The following ATP11A variants were observed in gnomAD, a reference collection of about 807,000 sequenced individuals.
The protein encoded by ATP11A is phospholipid-transporting ATPase IH.
Under a neutral mutation model 154.4 loss-of-function variants are expected in ATP11A, and 81 were observed. That is an observed-to-expected ratio of 0.52 (90% CI 0.44 to 0.63). ATP11A has a LOEUF of 0.63. Among genes scored for constraint, ATP11A ranks in the 30% least tolerant of loss-of-function variants. The pLI is 0.00. For synonymous variants in ATP11A, 623 were observed against 585.9 expected (o/e 1.06, Z -0.91); for missense variants, 1,316 against 1,474.3 (o/e 0.89, Z 1.76).
At chr13:112,783,623 T>C (rs2077552398) in intron 1 of ATP11A, among the ~76,000 whole-genome samples, 1 of 152,212 alleles carries the variant, frequency 6.6e-6, no homozygotes, top group African/African-American at 2.4e-5. Flanking sequence ...TCTTCAGCTG[T>C]GTTTCTCATG....
At chr13:112,846,469 C>T (rs1260865041) in intron 17 of ATP11A, among the ~76,000 whole-genome samples, 4 of 152,194 alleles carry the variant, frequency 2.6e-5, no homozygotes, top group Non-Finnish European at 5.9e-5. Context: ...ATTCCGCCAG[C>T]GTGGTTTTGT....
chr13:112,879,830 T>A (rs541484030), intron 29 of ATP11A, among the ~76,000 whole-genome samples: 2 of 152,370 alleles, frequency 1.3e-5, no homozygotes, highest in Admixed American at 1.3e-4. Flanking sequence ...TTTTAACCTG[T>A]TCCTACGGAA....
chr13:112,861,085 T>C (rs994276443), intron 24 of ATP11A, among the ~76,000 whole-genome samples: 1 of 152,180 alleles, frequency 6.6e-6, no homozygotes, highest in African/African-American at 2.4e-5. Context: ...ACGTCTTACA[T>C]GGTGGCAGAC....
intron 17 of ATP11A, 34 bp from the exon 18 acceptor site, chr13:112,851,003 G>T: frequency 6.3e-7 from 1 of 1,595,168 alleles, no homozygotes; most frequent in South Asian, 1.1e-5. Flanking sequence ...GTGACACCTT[G>T]AATTCGTGCT....
intron 1 of ATP11A, among the ~76,000 whole-genome samples, chr13:112,742,068 T>C (rs1343224315): frequency 2.0e-5 from 3 of 152,080 alleles, no homozygotes; most frequent in Non-Finnish European, 4.4e-5. Flanking sequence ...CACAGTGCGC[T>C]TTTCTCACGT....
intron 1 of ATP11A, among the ~76,000 whole-genome samples, chr13:112,748,937 C>T (rs908634456): frequency 9.9e-5 from 15 of 152,212 alleles, no homozygotes; most frequent in African/African-American, 3.1e-4. Flanking sequence ...CCGCCCTTTG[C>T]GGCTATGTGC....
intron 1 of ATP11A, among the ~76,000 whole-genome samples, chr13:112,721,957 C>T (rs1272684229): frequency 6.6e-6 from 1 of 152,180 alleles, no homozygotes; most frequent in African/African-American, 2.4e-5. Context: ...GGCACACTGC[C>T]CACCATGGGA....
rs766879340 is a variant in ATP11A at position 112,851,139 on chromosome 13, C to T, written c.1912C>T (p.Arg638Ter). 1.9e-6 allele frequency: 3 copies of T among 1,614,124 alleles called. No individual in the cohort carries two copies. Among genetic ancestry groups the T allele is most frequent in the Non-Finnish European group, 2.5e-6 (3 of 1,180,008 alleles). ...GGCTGCCAAAGTGGCCCTTCAAGAT[C>T]GAGAGAAAAAGTTAGCAGAAGCCTA... is the stretch of plus-strand genomic sequence containing the variant. Reference protein sequence around the residue: ...LQAAKVALQDREKKLAEAYEQ... With the variant: ...LQAAKVALQD Residue 638 changes from arginine to a stop codon, truncating the protein, a stop_gained, in exon 18 of 30, where the codon CGA (arginine) becomes TGA (stop). Coordinates refer to ENST00000375645, the MANE Select transcript of ATP11A (RefSeq NM_015205.3). LOFTEE classifies it high-confidence loss of function.
At chr13:112,863,787 C>T (rs1192947278) in intron 25 of ATP11A, among the ~76,000 whole-genome samples, 2 of 83,020 alleles carry the variant, frequency 2.4e-5, no homozygotes, top group African/African-American at 8.9e-5. Flanking sequence ...TCACCACCTG[C>T]ACAGTAATTC....
At chr13:112,861,262 G>A (rs1235898594) in intron 24 of ATP11A, among the ~76,000 whole-genome samples, 2 of 152,146 alleles carry the variant, frequency 1.3e-5, no homozygotes, top group Non-Finnish European at 2.9e-5. Flanking sequence ...AATTCAAGAC[G>A]AGATTTGGGT....
chr13:112,728,667 G>A (rs75088476), intron 1 of ATP11A, among the ~76,000 whole-genome samples: 6,308 of 151,356 alleles, frequency 0.042, 400 homozygotes, highest in African/African-American at 0.15. Context: ...GTATCCACGC[G>A]TGGAGGGGCC....
Position 112,826,775 on chromosome 13 carries a change from G to T in ATP11A, c.1105G>T (p.Glu369Ter). The T allele has an allele frequency of 6.2e-7, 1 of 1,614,160 alleles. No homozygotes were observed. Among genetic ancestry groups the T allele is most frequent in the South Asian group, 1.1e-5 (1 of 91,084 alleles). The change falls in exon 12 of 30, where the codon GAG becomes TAG. Residue 369 changes from glutamate to a stop codon, truncating the protein, a stop_gained. Transcript: ENST00000375645. LOFTEE classifies it high-confidence loss of function. Reference sequence around the variant, plus strand: ...CCCTGTGTCCATGTACGTCACGGTCGAGATGCAGAAGTTCCTCGGCTCTTA... The same window carrying T: ...CCCTGTGTCCATGTACGTCACGGTCTAGATGCAGAAGTTCCTCGGCTCTTA... ...IIPVSMYVTV[E>*]MQKFLGSYFI...
intron 1 of ATP11A, among the ~76,000 whole-genome samples, chr13:112,731,278 GTCTT>G (rs1284252567): frequency 1.3e-5 from 2 of 152,096 alleles, no homozygotes; most frequent in Non-Finnish European, 2.9e-5. Flanking sequence ...CTCCTATACA[GTCTT>G]TCTTAGATAA....
chr13:112,690,321 C>A lies in ATP11A; in HGVS notation c.-96C>A. ...CGGCGCGCCGAGGCCGTGACCGGAG[C>A]GGGGGGCGCGGCCGCACTAGTACCC... is the stretch of plus-strand genomic sequence containing the variant. On this transcript the variant is annotated 5_prime_UTR_variant, in exon 1 of 30. Transcript: ENST00000375645. This position sits in a 1 kb window ranked among gnomAD's most constrained non-coding sequence, Gnocchi z 5.6. The A allele has an allele frequency of 1.0e-6, 1 of 976,270 alleles. No individual in the cohort carries two copies. The allele number at this position is 976,270 out of a possible 1,614,324, so 60.5% of individuals were successfully genotyped here. A position where few individuals can be genotyped will look rare whatever the true frequency, so the allele number is the denominator to read the frequency against.
intron 1 of ATP11A, among the ~76,000 whole-genome samples, chr13:112,768,361 C>T (rs373637497): frequency 5.9e-5 from 9 of 152,238 alleles, no homozygotes; most frequent in South Asian, 2.1e-4. Context: ...CTCCAGCGGA[C>T]GCTGCACCAT....
In ATP11A at chr13:112,886,255, T is replaced by C. The variant is rs886177427; in HGVS notation, c.*4389T>C. On this transcript the variant is annotated 3_prime_UTR_variant, in exon 30 of 30. Transcript: ENST00000375645. ...TCGGCTTGCTGAGCGTTTAAACAAA[T>C]GTTTAGACAGGCTGTGGGGACTCCC... 4.7e-5 allele frequency: 7 copies of C among 149,588 alleles called. No homozygotes were observed. The highest frequency in any genetic ancestry group is 1.4e-4 in the Admixed American group (2 of 14,684). The allele number at this position is 149,588 out of a possible 1,614,324, so 9.3% of individuals were successfully genotyped here.
chr13:112,831,689 C>G, intron 13 of ATP11A, 141 bp downstream of exon 13: 2 of 974,476 alleles, frequency 2.1e-6, no homozygotes, highest in South Asian at 1.6e-5. Context: ...TCAGAAGGTG[C>G]GATGTGTGTG....
chr13:112,841,540 G>T (rs2079418951), intron 16 of ATP11A, among the ~76,000 whole-genome samples: 1 of 149,296 alleles, frequency 6.7e-6, no homozygotes, highest in Non-Finnish European at 1.5e-5. Flanking sequence ...GATACTTCAG[G>T]TGCAGAGGGG....
chr13:112,774,975 T>A (rs964412856), intron 1 of ATP11A, among the ~76,000 whole-genome samples: 3 of 152,308 alleles, frequency 2.0e-5, no homozygotes, highest in Admixed American at 6.5e-5. Flanking sequence ...GAATGGAGGC[T>A]TTGTTGTTCG....
Sources: gnomAD v4.1 joint callset for allele counts (sites outside exome capture counted in the v4.1 genomes callset) on GRCh38, gnomAD v4.1.1 for gene constraint, Gnocchi (gnomAD v3.1) non-coding constraint, MANE v1.5 for transcripts, NCBI Gene and HGNC (gene_info 2026-07-23, HGNC 2026-07-21) for gene names.